CNTN4: variants seen among roughly 807,000 people sequenced by gnomAD.
CNTN4 encodes the protein contactin-4.
CNTN4 carries 77 observed loss-of-function variants against 122.5 expected under a neutral mutation model. That is an observed-to-expected ratio of 0.63 (90% CI 0.52 to 0.76). The LOEUF is 0.76. Among genes scored for constraint, CNTN4 ranks in the 30% least tolerant of loss-of-function variants. The probability of loss-of-function intolerance (pLI) is 0.00; values close to 1 mark genes in which losing one functional copy is unlikely to be tolerated. For missense variants in CNTN4, 1,256 were observed against 1,259.1 expected (o/e 1.00, Z 0.04); for synonymous variants, 512 against 447.0 (o/e 1.15, Z -1.83).
At chr3:2,336,910 G>A (rs1460750539) in intron 2 of CNTN4, among the ~76,000 whole-genome samples, 2 of 152,096 alleles carry the variant, frequency 1.3e-5, no homozygotes, top group East Asian at 3.9e-4. Context: ...ACTCTCAAGT[G>A]TTGCAATTCA....
At chr3:2,241,390 C>T (rs76546469) in intron 2 of CNTN4, among the ~76,000 whole-genome samples, 2,780 of 152,200 alleles carry the variant, frequency 0.018, 83 homozygotes, top group African/African-American at 0.063. Flanking sequence ...TAATCATCAA[C>T]TCATTATATG....
At chr3:2,671,699 T>G (rs1240043138) in intron 4 of CNTN4, among the ~76,000 whole-genome samples, 1 of 152,152 alleles carries the variant, frequency 6.6e-6, no homozygotes, top group East Asian at 1.9e-4. Context: ...TCTGCTCTGT[T>G]TTTTCCCCAT....
At chr3:2,314,987 A>G (rs866480972) in intron 2 of CNTN4, among the ~76,000 whole-genome samples, 2 of 152,054 alleles carry the variant, frequency 1.3e-5, no homozygotes, top group Admixed American at 6.6e-5. Context: ...CCACTGTTTC[A>G]GAGGTTTTCA....
intron 2 of CNTN4, among the ~76,000 whole-genome samples, chr3:2,333,298 A>C (rs1360073633): frequency 6.6e-6 from 1 of 152,222 alleles, no homozygotes; most frequent in African/African-American, 2.4e-5. Flanking sequence ...AGGTTCTTCA[A>C]GGTGATGATG....
intron 13 of CNTN4, among the ~76,000 whole-genome samples, chr3:2,967,097 G>A (rs995324875): frequency 2.0e-5 from 3 of 152,146 alleles, no homozygotes; most frequent in Non-Finnish European, 4.4e-5. Flanking sequence ...CTGAGCATTG[G>A]GGGATCAGAG....
intron 3 of CNTN4, among the ~76,000 whole-genome samples, chr3:2,516,740 G>A (rs1210133411): frequency 6.6e-6 from 1 of 152,052 alleles, no homozygotes; most frequent in East Asian, 1.9e-4. Flanking sequence ...GAGCTGCAAA[G>A]GAATAAAGTG....
intron 2 of CNTN4, among the ~76,000 whole-genome samples, chr3:2,316,814 C>T (rs2043117093): frequency 6.6e-6 from 1 of 152,182 alleles, no homozygotes; most frequent in African/African-American, 2.4e-5. Flanking sequence ...GTACACATTA[C>T]AGTTGCCAGT....
chr3:2,446,813 G>A (rs2048642674), intron 3 of CNTN4, among the ~76,000 whole-genome samples: 1 of 152,152 alleles, frequency 6.6e-6, no homozygotes, highest in Non-Finnish European at 1.5e-5. Context: ...GAGGGACTAA[G>A]GCAGGTTGAG....
intron 6 of CNTN4, among the ~76,000 whole-genome samples, chr3:2,785,881 C>G (rs1178001543): frequency 1.3e-5 from 1 of 79,102 alleles, no homozygotes; most frequent in Non-Finnish European, 2.6e-5. Context: ...CCCAGAACCA[C>G]CCTGGCCCAC....
At chr3:2,195,662 T>G (rs1004169649) in intron 2 of CNTN4, among the ~76,000 whole-genome samples, 13 of 152,210 alleles carry the variant, frequency 8.5e-5, no homozygotes, top group African/African-American at 3.1e-4. Context: ...TTGGCACTTG[T>G]TCTGATTCCA....
At chr3:2,555,433 C>T (rs943023964) in intron 3 of CNTN4, among the ~76,000 whole-genome samples, 3 of 152,110 alleles carry the variant, frequency 2.0e-5, no homozygotes, top group African/African-American at 7.2e-5. Flanking sequence ...TGAGAGAGAC[C>T]GTGTCTCTCC....
intron 6 of CNTN4, among the ~76,000 whole-genome samples, chr3:2,801,986 A>C (rs2092359102): frequency 1.3e-5 from 2 of 152,220 alleles, no homozygotes; most frequent in Admixed American, 1.3e-4. Context: ...GTACTATAAA[A>C]ATGTAAGGAA....
chr3:2,981,450 C>CA (rs1385820057), intron 13 of CNTN4, among the ~76,000 whole-genome samples: 3 of 151,400 alleles, frequency 2.0e-5, no homozygotes, highest in Non-Finnish European at 4.4e-5. Context: ...TCTCAAAAAA[C>CA]AAAAAAAGGA....
rs538565625 is a variant in CNTN4 at position 2,347,534 on chromosome 3, C to T, written c.-89+8301C>T. ...AAGTGATTCTCCTGCCTCAGCCTCCCTAGTAACTGGGATTACAGGTGCCCA... is the reference window on the plus strand; with the variant it reads ...AAGTGATTCTCCTGCCTCAGCCTCCTTAGTAACTGGGATTACAGGTGCCCA... On this transcript the variant is annotated intron_variant, in intron 3 of 24. Coordinates refer to ENST00000418658, the MANE Select transcript of CNTN4 (RefSeq NM_175607.3). Among the ~76,000 whole-genome samples the T allele has an allele frequency of 6.1e-3, 922 of 151,656 alleles. 6 individuals are homozygous for T. The highest frequency in any genetic ancestry group is 0.01 in the Middle Eastern group (3 of 292).
chr3:2,348,476 T>C (rs1185932650), intron 3 of CNTN4, among the ~76,000 whole-genome samples: 2 of 152,198 alleles, frequency 1.3e-5, no homozygotes, highest in Non-Finnish European at 2.9e-5. Context: ...CTCAGGCCTA[T>C]AGCGAGAACC....
At chr3:2,781,716 A>ATTT (rs59896254) in intron 6 of CNTN4, among the ~76,000 whole-genome samples, 18 of 85,940 alleles carry the variant, frequency 2.1e-4, no homozygotes, top group Admixed American at 2.9e-4. Context: ...CTTTGGGTAA[A>ATTT]TTTTTTTTTT....
At chr3:2,539,017 A>G (rs1347756616) in intron 3 of CNTN4, among the ~76,000 whole-genome samples, 2 of 152,122 alleles carry the variant, frequency 1.3e-5, no homozygotes, top group Admixed American at 6.6e-5. Flanking sequence ...ATTATTGAAC[A>G]TTTAGTTTCT....
At chr3:2,845,345 T>C (rs1363190559) in intron 7 of CNTN4, among the ~76,000 whole-genome samples, 2 of 151,942 alleles carry the variant, frequency 1.3e-5, no homozygotes, top group Admixed American at 1.3e-4. Flanking sequence ...CTGTCAACTT[T>C]AAAAATAAAT....
In CNTN4 at chr3:2,919,074, T is replaced by C. The variant is rs577786230; in HGVS notation, c.1208-6555T>C. ...ATTGTTGCTTTTTGGCTGGTCATGG[T>C]GGCTTACGCCTATAATCCCAGCACT... is the stretch of plus-strand genomic sequence containing the variant. On this transcript the variant is annotated intron_variant, in intron 12 of 24. Coordinates refer to ENST00000418658, the MANE Select transcript of CNTN4 (RefSeq NM_175607.3). Among the ~76,000 whole-genome samples, 71 of 152,214 alleles carry C rather than the reference T, an allele frequency of 4.7e-4. 1 individual carries two copies. The highest frequency in any genetic ancestry group is 4.6e-3 in the Admixed American group (70 of 15,272).
Sources: allele counts gnomAD v4.1 joint callset (sites outside exome capture counted in the v4.1 genomes callset), GRCh38; gene constraint gnomAD v4.1.1; transcripts MANE v1.5; gene names NCBI Gene and HGNC (gene_info 2026-07-23, HGNC 2026-07-21).